Variants in ELMO1 observed in about 807,000 individuals in gnomAD.
ELMO1 encodes the protein engulfment and cell motility protein 1.
A neutral mutation model predicts 98.9 loss-of-function variants in ELMO1; 26 were observed. That is an observed-to-expected ratio of 0.26 (90% CI 0.19 to 0.36). ELMO1 has a LOEUF of 0.36. Among genes scored for constraint, ELMO1 ranks in the 10% least tolerant of loss-of-function variants. ELMO1 has a pLI of 1.00. For missense variants in ELMO1, 627 were observed against 935.2 expected (o/e 0.67, Z 4.30); for synonymous variants, 346 against 346.0 (o/e 1.00, Z 0.00).
At chr7:36,901,219 G>T (rs1806480589) in intron 16 of ELMO1, among the ~76,000 whole-genome samples, 1 of 152,164 alleles carries the variant, frequency 6.6e-6, no homozygotes, top group Non-Finnish European at 1.5e-5. Flanking sequence ...GAGTACCTAG[G>T]CCAGGCCATG....
intron 16 of ELMO1, among the ~76,000 whole-genome samples, chr7:36,920,672 C>G (rs1785076104): frequency 1.3e-5 from 2 of 152,172 alleles, no homozygotes; most frequent in Non-Finnish European, 2.9e-5. Flanking sequence ...TTAAATCCCT[C>G]TCCAACATGG....
In ELMO1 at chr7:37,259,342, G is replaced by T; in HGVS notation, c.252C>A (p.Asn84Lys). 6.2e-7 allele frequency: 1 copy of T among 1,613,690 alleles called. No individual in the cohort carries two copies. Among genetic ancestry groups the T allele is most frequent in the African/African-American group, 1.3e-5 (1 of 75,006 alleles). Residue 84 changes from asparagine (N) to lysine (K), a missense_variant, in exon 6 of 22, where the codon AAC becomes AAA. Around this residue, in one of 3 missense-constraint regions of ELMO1, gnomAD observed 123 missense variants for 171.2 expected, o/e 0.72. Transcript: ENST00000310758. Reference sequence around the variant, plus strand: ...GGATTCGTTCATGGAGCTGCTGGGCGTTCTGAGCCTTATGGGGCAAAAGCA... The same window carrying T: ...GGATTCGTTCATGGAGCTGCTGGGCTTTCTGAGCCTTATGGGGCAAAAGCA... Reference protein sequence around the residue: ...ILRLTTSPAQNAQQLHERIQS... With the variant: ...ILRLTTSPAQKAQQLHERIQS...
Position 37,213,439 on chromosome 7 carries a change from G to T in ELMO1, c.850C>A (p.Arg284=). Reference sequence around the variant, plus strand: ...TGCGCCATCTCATTGTTGATGGCCCGCTGGGCTCGGATGACATGCTAGGGA... The same window carrying T: ...TGCGCCATCTCATTGTTGATGGCCCTCTGGGCTCGGATGACATGCTAGGGA... ...IILTHVIRAQ[R]AINNEMAHQL... The change falls in exon 12 of 22, where the codon CGG becomes AGG. Residue 284 remains arginine (R), a synonymous_variant. Transcript: ENST00000310758. 1 of 1,611,786 alleles carries T rather than the reference G, an allele frequency of 6.2e-7. No individual in the cohort carries two copies. Among genetic ancestry groups the T allele is most frequent in the South Asian group, 1.1e-5 (1 of 90,928 alleles).
chr7:36,861,522 T>A (rs1191748552), intron 21 of ELMO1, 137 bp downstream of exon 21: 2 of 930,508 alleles, frequency 2.1e-6, no homozygotes, highest in Non-Finnish European at 3.2e-6. Context: ...GTTTCTATTC[T>A]CCTCCAAGTC....
At chr7:37,036,016 T>TC (rs1274998475) in intron 15 of ELMO1, among the ~76,000 whole-genome samples, 1 of 152,254 alleles carries the variant, frequency 6.6e-6, no homozygotes, top group Non-Finnish European at 1.5e-5. Context: ...TGTAAATGTT[T>TC]AAGTTTTGAT....
chr7:37,347,520 CTTATTCT>C (rs1801064173), intron 1 of ELMO1, among the ~76,000 whole-genome samples: 1 of 1,052 alleles, frequency 9.5e-4, no homozygotes, highest in South Asian at 0.024. Context: ...TTATGGTATT[CTTATTCT>C]TATTCTTATT....
chr7:37,263,990 A>G (rs2717972), intron 5 of ELMO1, among the ~76,000 whole-genome samples: 57,281 of 151,844 alleles, frequency 0.38, 11,475 homozygotes, highest in African/African-American at 0.52. Flanking sequence ...CGTGTTTACC[A>G]ATAGGACAAT....
chr7:37,256,108 T>TA (rs2130777313), intron 6 of ELMO1, among the ~76,000 whole-genome samples: 1 of 152,306 alleles, frequency 6.6e-6, no homozygotes, highest in Non-Finnish European at 1.5e-5. Context: ...CTTGGATCCC[T>TA]AAACTTTTTC....
At chr7:37,204,281 T>C (rs757819870) in intron 13 of ELMO1, 20 of 452,068 alleles carry the variant, frequency 4.4e-5, no homozygotes, top group Admixed American at 4.0e-4. Flanking sequence ...CAGAGTTTGT[T>C]CCTTCTGATG....
chr7:36,880,802 T>C lies in ELMO1; in HGVS notation c.1715-2685A>G, dbSNP rs1446626075. On this transcript the variant is annotated intron_variant, in intron 18 of 21. Coordinates refer to ENST00000310758, the MANE Select transcript of ELMO1 (RefSeq NM_014800.11). Reference sequence around the variant, plus strand: ...TGCAACATATTCTTACATACAGTAATGATCAGAGAACAGTGGCTATCTGTC... The same window carrying C: ...TGCAACATATTCTTACATACAGTAACGATCAGAGAACAGTGGCTATCTGTC... Among the ~76,000 whole-genome samples the C allele has an allele frequency of 2.6e-5, 4 of 152,322 alleles. No individual in the cohort carries two copies. The East Asian group carries it at 5.8e-4, about 22-fold the overall frequency.
intron 8 of ELMO1, among the ~76,000 whole-genome samples, chr7:37,231,253 C>T (rs1428539095): frequency 6.6e-6 from 1 of 152,002 alleles, no homozygotes; most frequent in Non-Finnish European, 1.5e-5. Context: ...TCTGATCCTA[C>T]CCCCCTCATT....
chr7:37,346,023 G>GGA (rs1328176750), intron 1 of ELMO1, among the ~76,000 whole-genome samples: 1 of 151,802 alleles, frequency 6.6e-6, no homozygotes, highest in Admixed American at 6.6e-5. Flanking sequence ...TGAGAGGTGA[G>GGA]GATGGGGCCC....
intron 1 of ELMO1, among the ~76,000 whole-genome samples, chr7:37,376,412 C>T (rs574664154): frequency 9.0e-4 from 137 of 152,296 alleles, no homozygotes; most frequent in Non-Finnish European, 1.7e-3. Context: ...GTCATGTTGC[C>T]AGAAGTTAAA....
chr7:37,322,675 T>C (rs10248227), intron 2 of ELMO1, among the ~76,000 whole-genome samples: 147,409 of 151,520 alleles, frequency 0.97, 71,850 homozygotes, highest in Middle Eastern at 1. Context: ...CGGTGGCGTG[T>C]GCCTATAGTA....
At chr7:36,997,071 C>A (rs1022281422) in intron 16 of ELMO1, among the ~76,000 whole-genome samples, 1 of 151,994 alleles carries the variant, frequency 6.6e-6, no homozygotes, top group East Asian at 1.9e-4. Flanking sequence ...TGGGTCAAGT[C>A]CAGATTTAGG....
intron 13 of ELMO1, among the ~76,000 whole-genome samples, chr7:37,201,608 A>T (rs1354699668): frequency 6.6e-6 from 1 of 152,246 alleles, no homozygotes; most frequent in Admixed American, 6.5e-5. Flanking sequence ...GAGCCCTCTA[A>T]GGAGACCCCA....
chr7:36,988,774 C>T (rs1791677732), intron 16 of ELMO1, among the ~76,000 whole-genome samples: 2 of 152,196 alleles, frequency 1.3e-5, no homozygotes, highest in African/African-American at 4.8e-5. Flanking sequence ...GTGAATGGAT[C>T]ACAGTGAGAA....
intron 13 of ELMO1, among the ~76,000 whole-genome samples, chr7:37,179,626 A>G (rs988547090): frequency 3.9e-5 from 6 of 152,158 alleles, no homozygotes; most frequent in African/African-American, 1.4e-4. Flanking sequence ...ATATTTTAGG[A>G]AAAGCTGAAT....
intron 5 of ELMO1, among the ~76,000 whole-genome samples, chr7:37,261,090 C>T (rs892679822): frequency 2.0e-5 from 3 of 151,970 alleles, no homozygotes; most frequent in Non-Finnish European, 2.9e-5. Context: ...ATTATTAATG[C>T]TAATAGTGTT....
Sources: gnomAD v4.1 joint callset for allele counts (sites outside exome capture counted in the v4.1 genomes callset) on GRCh38, gnomAD v4.1.1 for gene constraint, gnomAD v4.1.1 regional missense constraint, MANE v1.5 for transcripts, NCBI Gene and HGNC (gene_info 2026-07-23, HGNC 2026-07-21) for gene names.